Variants in WNK2 observed in about 807,000 individuals in gnomAD.
The protein encoded by WNK2 is WNK lysine deficient protein kinase 2.
Under a neutral mutation model 192.1 loss-of-function variants are expected in WNK2, and 67 were observed. The observed-to-expected ratio is 0.35, with a 90% confidence interval of 0.29 to 0.43. The LOEUF (loss-of-function observed/expected upper bound fraction) is 0.43. WNK2 is among the 20% of genes least tolerant of loss of function. The probability of loss-of-function intolerance (pLI) is 1.00; values close to 1 mark genes in which losing one functional copy is unlikely to be tolerated. For synonymous variants in WNK2, 1,439 were observed against 1,393.9 expected, an observed-to-expected ratio of 1.03 and a Z score of -0.72; for missense variants, 2,698 against 3,089.7, an observed-to-expected ratio of 0.87 and a Z score of 3.01.
At chr9:93,255,430 C>T (rs1157905605) in intron 9 of WNK2, among the ~76,000 whole-genome samples, 1 of 152,200 alleles carries the variant, frequency 6.6e-6, no homozygotes, top group African/African-American at 2.4e-5. Context: ...CAGGCCCATC[C>T]TCCACTCCCT....
chr9:93,281,560 G>T (rs1176443703), intron 19 of WNK2, among the ~76,000 whole-genome samples: 2 of 152,066 alleles, frequency 1.3e-5, no homozygotes, highest in Non-Finnish European at 2.9e-5. Context: ...ATTACAGTGA[G>T]ATGGTCAAAC....
chr9:93,317,746 T>C, intron 29 of WNK2, 115 bp downstream of exon 29: 1 of 1,483,494 alleles, frequency 6.7e-7, no homozygotes, highest in Non-Finnish European at 9.1e-7. Context: ...GTGGGCCAGC[T>C]GGGGGCACAG....
chr9:93,306,407 C>T lies in WNK2; in HGVS notation c.6215-370C>T, dbSNP rs545039297. On this transcript the variant is annotated intron_variant, in intron 26 of 29. Coordinates refer to ENST00000427277, the MANE Select transcript of WNK2 (RefSeq NM_006648.4). Reference sequence around the variant, plus strand: ...GCCGACTCAGCAGGGTGTCCTGCCTCCATCAGTGGGGCTCCCAGAAGCCTG... The same window carrying T: ...GCCGACTCAGCAGGGTGTCCTGCCTTCATCAGTGGGGCTCCCAGAAGCCTG... 7.3e-4 allele frequency among the ~76,000 whole-genome samples: 111 copies of T among 152,360 alleles called. 1 individual carries two copies. Among genetic ancestry groups the T allele is most frequent in the South Asian group, 2.7e-3 (13 of 4,826 alleles).
intron 2 of WNK2, among the ~76,000 whole-genome samples, chr9:93,189,015 G>A (rs1392374870): frequency 6.6e-6 from 1 of 152,162 alleles, no homozygotes; most frequent in Non-Finnish European, 1.5e-5. Context: ...TGTGGCTCAG[G>A]GCTCCCACTC....
intron 19 of WNK2, among the ~76,000 whole-genome samples, chr9:93,285,832 G>A (rs1036218384): frequency 4.6e-5 from 7 of 152,196 alleles, no homozygotes; most frequent in Non-Finnish European, 1.0e-4. Context: ...TAGAACAAGG[G>A]TAGAGAAATT....
In WNK2 at chr9:93,253,007, C is replaced by T. The variant is rs1335533375; in HGVS notation, c.1959C>T (p.Ser653=). 1.9e-5 allele frequency: 29 copies of T among 1,558,142 alleles called. No homozygotes were observed. The highest frequency in any genetic ancestry group is 2.7e-5 in the African/African-American group (2 of 73,228). Residue 653 remains serine, a synonymous_variant, in exon 9 of 30, where the codon AGC becomes AGT. Coordinates refer to ENST00000427277, the MANE Select transcript of WNK2 (RefSeq NM_006648.4). ...CGTCCCCGGCCCAGTGTGTGTGCAGCCCCCCTGTGAGCGAGGGGCCCGTCC... is the reference window on the plus strand; with the variant it reads ...CGTCCCCGGCCCAGTGTGTGTGCAGTCCCCCTGTGAGCGAGGGGCCCGTCC... The part of the protein sequence containing the change: ...AAPSPAQCVC[S]PPVSEGPVLP...
At chr9:93,266,050 A>G (rs1845114356) in intron 16 of WNK2, among the ~76,000 whole-genome samples, 1 of 152,212 alleles carries the variant, frequency 6.6e-6, no homozygotes, top group Non-Finnish European at 1.5e-5. Flanking sequence ...TAAGCATGCT[A>G]CAGATATACA....
intron 19 of WNK2, among the ~76,000 whole-genome samples, chr9:93,286,232 G>A (rs10992699): frequency 0.12 from 18,780 of 152,054 alleles, 1,266 homozygotes; most frequent in African/African-American, 0.16. Flanking sequence ...GCACATAGGC[G>A]AGTCACGGAG....
intron 2 of WNK2, 121 bp downstream of exon 2, chr9:93,185,731 G>A (rs1829180294): frequency 8.5e-6 from 10 of 1,171,912 alleles, no homozygotes; most frequent in African/African-American, 1.5e-5. Flanking sequence ...GGCTCCATGT[G>A]TGTCACCCTC....
At chr9:93,278,926 A>G (rs771373999) in intron 19 of WNK2, among the ~76,000 whole-genome samples, 3 of 152,250 alleles carry the variant, frequency 2.0e-5, no homozygotes, top group Non-Finnish European at 4.4e-5. Context: ...CGGTTGACAA[A>G]ACCCAACAAT....
rs1448135420 is a variant in WNK2, at chr9:93,259,191, G to A, written c.2643G>A (p.Pro881=). 4.3e-6 allele frequency: 7 copies of A among 1,611,840 alleles called. No homozygotes were observed. The highest frequency in any genetic ancestry group is 2.2e-5 in the East Asian group (1 of 44,788). ...GCCGGACCATTGTGCCAAATGCACC[G>A]GCCACTATCCCCCTGCTGGCCGTAG... ...MPCRTIVPNA[P]ATIPLLAVAP... Residue 881 remains proline, a synonymous_variant, in exon 12 of 30, where the codon CCG becomes CCA. Transcript: ENST00000427277. The surrounding 1 kb of genome is among the most constrained non-coding windows in gnomAD (Gnocchi z 4.8).
intron 21 of WNK2, among the ~76,000 whole-genome samples, chr9:93,291,168 A>C (rs565189933): frequency 6.6e-6 from 1 of 152,190 alleles, no homozygotes; most frequent in South Asian, 2.1e-4. Context: ...ATCTTCCCAA[A>C]AGGGTGGAAA....
At chr9:93,190,191 G>A (rs1830076081) in intron 2 of WNK2, among the ~76,000 whole-genome samples, 3 of 152,162 alleles carry the variant, frequency 2.0e-5, no homozygotes, top group South Asian at 4.2e-4. Flanking sequence ...CTGTGCAGAC[G>A]GACTTTCCCT....
rs547984904 is a variant in WNK2 at position 93,289,187 on chromosome 9, C to G, written c.4433C>G (p.Pro1478Arg). The G allele has an allele frequency of 1.6e-4, 256 of 1,601,890 alleles. No individual in the cohort carries two copies. Among genetic ancestry groups the G allele is most frequent in the Non-Finnish European group, 2.0e-4 (238 of 1,176,484 alleles). Reference sequence around the variant, plus strand: ...GCCCCAAGGGAGCCCCTGCCACCTCCTGCACCTGAGCCCAGCCCCCACAGC... The same window carrying G: ...GCCCCAAGGGAGCCCCTGCCACCTCGTGCACCTGAGCCCAGCCCCCACAGC... Reference protein sequence around the residue: ...ASAPREPLPPPAPEPSPHSGT... With the variant: ...ASAPREPLPPRAPEPSPHSGT... Residue 1478 changes from proline (P) to arginine (R), a missense_variant, in exon 20 of 30, where the codon CCT becomes CGT. Physicochemically the swap from Pro to Arg is moderately radical, Grantham distance 103. Coordinates refer to ENST00000427277, the MANE Select transcript of WNK2 (RefSeq NM_006648.4).
At chr9:93,222,437 C>T (rs964619161) in intron 2 of WNK2, among the ~76,000 whole-genome samples, 1 of 152,186 alleles carries the variant, frequency 6.6e-6, no homozygotes, top group Non-Finnish European at 1.5e-5. Context: ...TTGTAAACTT[C>T]TTGGAGCCCT....
In WNK2 at chr9:93,300,079, G is replaced by C; in HGVS notation, c.6144G>C (p.Glu2048Asp). 1 of 1,613,584 alleles carries C rather than the reference G, an allele frequency of 6.2e-7. No homozygotes were observed. Among genetic ancestry groups the C allele is most frequent in the Non-Finnish European group, 8.5e-7 (1 of 1,179,800 alleles). Residue 2048 changes from glutamate (E) to aspartate (D), a missense_variant, in exon 26 of 30, where the codon GAG (glutamate) becomes GAC (aspartate). This residue lies in a region of WNK2 where 29 missense variants were observed against 55.6 expected (regional missense o/e 0.52). Coordinates refer to ENST00000427277, the MANE Select transcript of WNK2 (RefSeq NM_006648.4). ...GGACGGTTTACCACCCAACGTCTGAGAGAGTGACCTATAAGTCTAGTAGCA... is the reference window on the plus strand; with the variant it reads ...GGACGGTTTACCACCCAACGTCTGACAGAGTGACCTATAAGTCTAGTAGCA... ...QGWTVYHPTS[E>D]RVTYKSSSKP...
chr9:93,232,544 G>A (rs568927851), intron 4 of WNK2, among the ~76,000 whole-genome samples: 1 of 152,354 alleles, frequency 6.6e-6, no homozygotes, highest in South Asian at 2.1e-4. Context: ...GCGCAGTCAG[G>A]TGGCAGGAGG....
At position 93,239,992 on chromosome 9, in the gene WNK2, A is replaced by G. The variant is rs934923452; in HGVS notation, c.1542+16A>G. On this transcript the variant is annotated intron_variant, in intron 7 of 29. Coordinates refer to ENST00000427277, the MANE Select transcript of WNK2 (RefSeq NM_006648.4). The surrounding 1 kb of genome is among the most constrained non-coding windows in gnomAD (Gnocchi z 4.2). ...CCAAGAGATGGTAAGCAGGACTCAG[A>G]TGGGGTGAGGTGGGTGCAGGTGTTG... 6.2e-7 allele frequency: 1 copy of G among 1,604,096 alleles called. No individual in the cohort carries two copies. Among genetic ancestry groups the G allele is most frequent in the African/African-American group, 1.3e-5 (1 of 74,734 alleles).
chr9:93,188,331 G>T (rs956847190), intron 2 of WNK2, among the ~76,000 whole-genome samples: 3 of 152,162 alleles, frequency 2.0e-5, no homozygotes, highest in Non-Finnish European at 4.4e-5. Flanking sequence ...GCCTTCATGT[G>T]GACCTAGTAA....
Sources: allele counts gnomAD v4.1 joint callset (sites outside exome capture counted in the v4.1 genomes callset), GRCh38; gene constraint gnomAD v4.1.1; regional missense constraint gnomAD v4.1.1; non-coding constraint Gnocchi (gnomAD v3.1); transcripts MANE v1.5; gene names NCBI Gene and HGNC (gene_info 2026-07-23, HGNC 2026-07-21).